The following NTM variants were observed in gnomAD, a reference collection of about 807,000 sequenced individuals.
NTM encodes the protein neurotrimin, also known as IgLON family member 2.
In NTM, 13 loss-of-function variants were observed where a neutral mutation model predicts 42.1. That is an observed-to-expected ratio of 0.31 (90% CI 0.20 to 0.49). The LOEUF (loss-of-function observed/expected upper bound fraction) is 0.49. NTM is among the 20% of genes least tolerant of loss of function. The pLI, the probability that NTM is intolerant of heterozygous loss-of-function variation, is 0.99. For synonymous variants in NTM, 187 were observed against 179.2 expected (o/e 1.04, Z -0.35); for missense variants, 373 against 452.8 (o/e 0.82, Z 1.60).
In NTM at chr11:131,530,428, A is replaced by C. The variant is rs1165514869; in HGVS notation, c.82+159540A>C. Among the ~76,000 whole-genome samples, 3 of 144,380 alleles carry C rather than the reference A, an allele frequency of 2.1e-5. No individual in the cohort carries two copies. The East Asian group carries it at 5.8e-4, about 28-fold the overall frequency. 94.7% of individuals were successfully genotyped at this position (144,380 alleles called of 152,430 possible). The stretch of plus-strand genomic sequence containing the variant: ...TAGTAAAGTTGAGTGCCTTTCTCAA[A>C]AAAAAAAAAAAAAAAGACTGACCAG... On this transcript the variant is annotated intron_variant, in intron 1 of 8. Coordinates refer to ENST00000683400, the MANE Select transcript of NTM (RefSeq NM_001352005.2).
Position 132,330,174 on chromosome 11 carries a change from C to G in NTM, c.956C>G (p.Thr319Ser). 6.4e-7 allele frequency: 1 copy of G among 1,551,782 alleles called. No individual in the cohort carries two copies. The highest frequency in any genetic ancestry group is 8.7e-7 in the Non-Finnish European group (1 of 1,146,984). ...TTAGAAGTGAAAACTACAGCCCTGA[C>G]CCCTTGGAAAGGTTTGTATATTTTT... Reference protein sequence around the residue: ...MLFEVKTTALTPWKGPGAVSE... With the variant: ...MLFEVKTTALSPWKGPGAVSE... The change falls in exon 8 of 9, where the codon ACC (threonine) becomes AGC (serine). Residue 319 changes from threonine to serine, a missense_variant. Thr to Ser is a moderately conservative substitution (Grantham distance 58). This residue lies in a region of NTM where 312 missense variants were observed against 353.5 expected (regional missense o/e 0.88). Transcript: ENST00000683400.
intron 1 of NTM, among the ~76,000 whole-genome samples, chr11:131,605,329 G>T (rs941968121): frequency 6.6e-6 from 1 of 152,178 alleles, no homozygotes; most frequent in Admixed American, 6.5e-5. Context: ...TAAATGAAAT[G>T]ATTTTCTTGA....
At chr11:131,874,030 A>ATATATACATATATATATAT (rs1555162935) in intron 1 of NTM, among the ~76,000 whole-genome samples, 1 of 76,632 alleles carries the variant, frequency 1.3e-5, no homozygotes, top group Non-Finnish European at 2.9e-5. Context: ...AATATAATAT[A>ATATATACATATATATATAT]ATATATATAT....
chr11:131,723,829 TGTGTG>T (rs1021425723), intron 1 of NTM, among the ~76,000 whole-genome samples: 3 of 148,082 alleles, frequency 2.0e-5, no homozygotes, highest in Non-Finnish European at 4.4e-5. Context: ...TGTGTGTGCA[TGTGTG>T]TGTGTGTGCA....
chr11:131,825,657 T>C (rs1461017581), intron 1 of NTM, among the ~76,000 whole-genome samples: 2 of 152,134 alleles, frequency 1.3e-5, no homozygotes, highest in African/African-American at 4.8e-5. Context: ...GATTATGATA[T>C]ACCAGGATGG....
At chr11:131,938,774 T>C (rs545145643) in intron 2 of NTM, among the ~76,000 whole-genome samples, 11 of 152,024 alleles carry the variant, frequency 7.2e-5, no homozygotes, top group Non-Finnish European at 1.6e-4. Flanking sequence ...AGCGTGTACA[T>C]ATATTTTAAG....
At chr11:132,291,083 T>C (rs1011570112) in intron 4 of NTM, among the ~76,000 whole-genome samples, 14 of 152,174 alleles carry the variant, frequency 9.2e-5, no homozygotes, top group Non-Finnish European at 5.9e-5. Flanking sequence ...TGGCCTGGTA[T>C]GTGAGTATGG....
intron 2 of NTM, among the ~76,000 whole-genome samples, chr11:131,993,204 G>C (rs1565902041): frequency 1.3e-5 from 2 of 152,286 alleles, no homozygotes; most frequent in South Asian, 2.1e-4. Flanking sequence ...TTGGGAGAGA[G>C]AGGCTGCAGG....
intron 1 of NTM, among the ~76,000 whole-genome samples, chr11:131,592,844 A>G (rs2059497322): frequency 6.6e-6 from 1 of 151,872 alleles, no homozygotes. Flanking sequence ...CCTCCCCACA[A>G]TGCTGGGCTC....
At chr11:131,499,714 T>C (rs1450317369) in intron 1 of NTM, among the ~76,000 whole-genome samples, 1 of 151,940 alleles carries the variant, frequency 6.6e-6, no homozygotes, top group African/African-American at 2.4e-5. Context: ...ACACAGACCT[T>C]CTCCAGTGTT....
chr11:132,011,609 A>C (rs1261132540), intron 2 of NTM, among the ~76,000 whole-genome samples: 1 of 152,214 alleles, frequency 6.6e-6, no homozygotes, highest in Non-Finnish European at 1.5e-5. Flanking sequence ...TATCCAAATT[A>C]ATTCTTATAA....
chr11:131,954,613 C>A (rs2061370747), intron 2 of NTM, among the ~76,000 whole-genome samples: 1 of 145,500 alleles, frequency 6.9e-6, no homozygotes, highest in South Asian at 2.2e-4. Flanking sequence ...TACACTCAAT[C>A]AAATTTTATA....
At chr11:132,132,942 A>C (rs147686206) in intron 2 of NTM, among the ~76,000 whole-genome samples, 2 of 152,342 alleles carry the variant, frequency 1.3e-5, no homozygotes, top group Non-Finnish European at 2.9e-5. Flanking sequence ...CACCCAGTGC[A>C]TTGTCAAGCT....
intron 4 of NTM, among the ~76,000 whole-genome samples, chr11:132,238,234 G>C (rs984467495): frequency 6.6e-6 from 1 of 152,102 alleles, no homozygotes; most frequent in African/African-American, 2.4e-5. Context: ...GGAGAGGAAA[G>C]GTTACAGGTG....
At chr11:131,672,471 C>T (rs748641000) in intron 1 of NTM, among the ~76,000 whole-genome samples, 1 of 152,220 alleles carries the variant, frequency 6.6e-6, no homozygotes, top group Non-Finnish European at 1.5e-5. Flanking sequence ...GCATCAGACA[C>T]CCCGACAGCT....
At chr11:132,245,591 A>G (rs2090997403) in intron 4 of NTM, among the ~76,000 whole-genome samples, 1 of 152,182 alleles carries the variant, frequency 6.6e-6, no homozygotes, top group Admixed American at 6.5e-5. Flanking sequence ...TGGGAGTGAC[A>G]GCAATTAGGA....
At chr11:131,887,005 G>T in intron 1 of NTM, among the ~76,000 whole-genome samples, 1 of 152,266 alleles carries the variant, frequency 6.6e-6, no homozygotes, top group African/African-American at 2.4e-5. Flanking sequence ...ATAGGCAGCT[G>T]GTAAAACCCC....
At chr11:132,301,369 C>A (rs540982627) in intron 4 of NTM, among the ~76,000 whole-genome samples, 1 of 152,292 alleles carries the variant, frequency 6.6e-6, no homozygotes, top group South Asian at 2.1e-4. Context: ...AACTACAATG[C>A]AAGATGAGAT....
chr11:132,221,368 A>G (rs887649126), intron 4 of NTM, among the ~76,000 whole-genome samples: 11 of 152,146 alleles, frequency 7.2e-5, no homozygotes, highest in African/African-American at 2.7e-4. Flanking sequence ...CAATGAGAAA[A>G]CTTAATATGT....
Sources: gnomAD v4.1 joint callset for allele counts (sites outside exome capture counted in the v4.1 genomes callset) on GRCh38, gnomAD v4.1.1 for gene constraint, gnomAD v4.1.1 regional missense constraint, MANE v1.5 for transcripts, NCBI Gene and HGNC (gene_info 2026-07-23, HGNC 2026-07-21) for gene names.